Variants in ATG10 observed in about 807,000 individuals in gnomAD.
The protein encoded by ATG10 is ubiquitin-like-conjugating enzyme ATG10.
Under a neutral mutation model 32.1 loss-of-function variants are expected in ATG10, and 30 were observed. That is an observed-to-expected ratio of 0.94 (90% CI 0.70 to 1.27). The LOEUF (loss-of-function observed/expected upper bound fraction) is 1.27. Ranked by LOEUF, ATG10 falls within the 50% of genes most tolerant of loss-of-function variation. The pLI is 0.00. For synonymous variants in ATG10, 87 were observed against 91.5 expected, an observed-to-expected ratio of 0.95 and a Z score of 0.28; for missense variants, 233 against 262.3, an observed-to-expected ratio of 0.89 and a Z score of 0.77.
chr5:82,048,907 G>A (rs1324850918), intron 2 of ATG10, among the ~76,000 whole-genome samples: 3 of 151,952 alleles, frequency 2.0e-5, no homozygotes, highest in Non-Finnish European at 4.4e-5. Flanking sequence ...AACAGGTGCT[G>A]GAGAGGATGT....
intron 2 of ATG10, among the ~76,000 whole-genome samples, chr5:81,991,401 G>A (rs1761452463): frequency 6.6e-6 from 1 of 151,948 alleles, no homozygotes; most frequent in Admixed American, 6.6e-5. Flanking sequence ...ATTAAGTTTT[G>A]ACGTATCTAT....
intron 3 of ATG10, among the ~76,000 whole-genome samples, chr5:82,153,105 C>T (rs112584638): frequency 1.4e-4 from 21 of 152,156 alleles, no homozygotes; most frequent in Non-Finnish European, 2.2e-4. Flanking sequence ...AAGATGTATT[C>T]TTATATTCTT....
intron 3 of ATG10, among the ~76,000 whole-genome samples, chr5:82,065,538 A>G (rs939811982): frequency 6.6e-6 from 1 of 152,036 alleles, no homozygotes; most frequent in Admixed American, 6.6e-5. Flanking sequence ...AGCAAACATA[A>G]TCGATGCTGG....
intron 3 of ATG10, among the ~76,000 whole-genome samples, chr5:82,096,363 A>G (rs1455390301): frequency 6.6e-6 from 1 of 152,206 alleles, no homozygotes; most frequent in African/African-American, 2.4e-5. Context: ...ACAGATATAT[A>G]TTTCCTGTGG....
intron 5 of ATG10, among the ~76,000 whole-genome samples, chr5:82,245,050 G>A (rs1746968543): frequency 6.6e-6 from 1 of 152,122 alleles, no homozygotes; most frequent in African/African-American, 2.4e-5. Context: ...CATTACTACT[G>A]ACAGCAGATG....
chr5:82,031,597 A>C (rs555234197), intron 2 of ATG10, among the ~76,000 whole-genome samples: 69 of 152,346 alleles, frequency 4.5e-4, no homozygotes, highest in African/African-American at 1.6e-3. Flanking sequence ...AATGTGAAAA[A>C]ACACATGCAA....
chr5:82,155,598 T>C (rs548436306), intron 3 of ATG10, among the ~76,000 whole-genome samples: 3 of 152,290 alleles, frequency 2.0e-5, no homozygotes, highest in Admixed American at 6.5e-5. Flanking sequence ...AGAAAAATGT[T>C]TGGAGATCTG....
chr5:82,080,522 C>T (rs1413419877), intron 3 of ATG10, among the ~76,000 whole-genome samples: 2 of 152,184 alleles, frequency 1.3e-5, no homozygotes, highest in African/African-American at 2.4e-5. Context: ...TTTAATTCAT[C>T]TTGAATTACT....
chr5:82,075,977 A>G (rs1231295873), intron 3 of ATG10, among the ~76,000 whole-genome samples: 1 of 152,134 alleles, frequency 6.6e-6, no homozygotes. Flanking sequence ...CAGCAACAAC[A>G]AAAAGTCTTT....
Position 82,040,315 on chromosome 5 carries a change from C to G in ATG10, c.109-18180C>G, listed in dbSNP as rs191213798. ...CATTGAAATACAGCTTTTGATACAT[C>G]AAATTAGCAAAGAATAAAAACAAAC... On this transcript the variant is annotated intron_variant, in intron 2 of 7. Coordinates refer to ENST00000282185, the MANE Select transcript of ATG10 (RefSeq NM_031482.5). Among the ~76,000 whole-genome samples, 240 of 152,182 alleles carry G rather than the reference C, an allele frequency of 1.6e-3. 1 individual carries two copies. Among genetic ancestry groups the G allele is most frequent in the African/African-American group, 5.4e-3 (224 of 41,516 alleles).
chr5:82,051,175 G>T (rs1763407634), intron 2 of ATG10, among the ~76,000 whole-genome samples: 1 of 152,094 alleles, frequency 6.6e-6, no homozygotes, highest in Non-Finnish European at 1.5e-5. Flanking sequence ...GTTCAGTAGG[G>T]ATTCACAAAT....
At chr5:82,016,397 TG>T (rs1375863746) in intron 2 of ATG10, among the ~76,000 whole-genome samples, 2 of 152,214 alleles carry the variant, frequency 1.3e-5, no homozygotes, top group African/African-American at 2.4e-5. Flanking sequence ...TCTAAGTATT[TG>T]GCTTTATTTC....
Position 81,997,205 on chromosome 5 carries a change from C to T in ATG10, c.108+9527C>T, listed in dbSNP as rs542619988. The stretch of plus-strand genomic sequence containing the variant: ...TGCAAATGAACACAGATCCCACTGC[C>T]ACCGCCCAACGAAGGACTTTGGTTG... On this transcript the variant is annotated intron_variant, in intron 2 of 7. Transcript: ENST00000282185. Among the ~76,000 whole-genome samples, 239 of 152,338 alleles carry T rather than the reference C, an allele frequency of 1.6e-3. 1 individual carries two copies. The highest frequency in any genetic ancestry group is 5.4e-3 in the African/African-American group (223 of 41,570).
At chr5:82,046,368 G>A (rs1399943723) in intron 2 of ATG10, among the ~76,000 whole-genome samples, 3 of 152,116 alleles carry the variant, frequency 2.0e-5, no homozygotes, top group African/African-American at 7.2e-5. Context: ...GGGAAATTTG[G>A]CCACAGAGAC....
At chr5:82,100,470 A>G (rs75963411) in intron 3 of ATG10, among the ~76,000 whole-genome samples, 2,013 of 152,024 alleles carry the variant, frequency 0.013, 28 homozygotes, top group African/African-American at 0.045. Context: ...TGGCTTCCTG[A>G]GCTCCACCTG....
At chr5:82,112,919 T>C (rs1292295543) in intron 3 of ATG10, among the ~76,000 whole-genome samples, 1 of 151,946 alleles carries the variant, frequency 6.6e-6, no homozygotes, top group Admixed American at 6.6e-5. Flanking sequence ...TCAGATGTAT[T>C]TATTTTTAAC....
At chr5:81,985,948 A>C (rs909077258) in intron 1 of ATG10, among the ~76,000 whole-genome samples, 9 of 152,144 alleles carry the variant, frequency 5.9e-5, no homozygotes, top group Middle Eastern at 3.4e-3. Flanking sequence ...ATTTTTTAGT[A>C]GCGACGGGGT....
intron 5 of ATG10, among the ~76,000 whole-genome samples, chr5:82,246,815 CT>C (rs1225302663): frequency 1.3e-5 from 2 of 152,048 alleles, no homozygotes; most frequent in Non-Finnish European, 2.9e-5. Flanking sequence ...TCCTGAAGGA[CT>C]TTTTTTAGTA....
intron 3 of ATG10, among the ~76,000 whole-genome samples, chr5:82,158,770 G>C (rs1190070061): frequency 5.3e-5 from 8 of 152,202 alleles, no homozygotes; most frequent in African/African-American, 1.9e-4. Context: ...TTACGATTAT[G>C]ATGTTCAGAA....
Sources: gnomAD v4.1 joint callset for allele counts (sites outside exome capture counted in the v4.1 genomes callset) on GRCh38, gnomAD v4.1.1 for gene constraint, MANE v1.5 for transcripts, NCBI Gene and HGNC (gene_info 2026-07-23, HGNC 2026-07-21) for gene names.